The following HSD17B12 variants were observed in gnomAD, a reference collection of about 807,000 sequenced individuals.
HSD17B12 encodes hydroxysteroid 17-beta dehydrogenase 12, also known as very-long-chain 3-oxoacyl-CoA reductase.
A neutral mutation model predicts 39.3 loss-of-function variants in HSD17B12; 32 were observed. The observed-to-expected ratio is 0.81, with a 90% CI of 0.61 to 1.09. The LOEUF is 1.09. Among genes scored for constraint, HSD17B12 ranks in the 50% least tolerant of loss-of-function variants. The pLI is 0.00. For synonymous variants in HSD17B12, 150 were observed against 146.7 expected, an observed-to-expected ratio of 1.02 and a Z score of -0.16; for missense variants, 342 against 382.9, an observed-to-expected ratio of 0.89 and a Z score of 0.89.
chr11:43,808,607 C>T (rs1238809528), intron 4 of HSD17B12, among the ~76,000 whole-genome samples: 1 of 152,198 alleles, frequency 6.6e-6, no homozygotes, highest in Non-Finnish European at 1.5e-5. Flanking sequence ...CATCTTTCTT[C>T]ATTCCCTCTT....
chr11:43,696,574 T>A (rs1327093666), intron 1 of HSD17B12, among the ~76,000 whole-genome samples: 2 of 152,244 alleles, frequency 1.3e-5, no homozygotes, highest in African/African-American at 4.8e-5. Flanking sequence ...AGTGGGACTC[T>A]AAATTAGTTC....
intron 3 of HSD17B12, among the ~76,000 whole-genome samples, chr11:43,763,417 G>T (rs1489894721): frequency 6.6e-6 from 1 of 151,974 alleles, no homozygotes; most frequent in Admixed American, 6.6e-5. Flanking sequence ...ATTCTAAGGA[G>T]ATAAGGAACC....
At chr11:43,652,215 T>A in the HSD17B12 span, among the ~76,000 whole-genome samples, 1 of 152,232 alleles carries the variant, frequency 6.6e-6, no homozygotes, top group Non-Finnish European at 1.5e-5. Context: ...TTACATTTCC[T>A]GGTTTTAACA....
intron 2 of HSD17B12, among the ~76,000 whole-genome samples, chr11:43,752,309 GAC>G (rs933047396): frequency 7.2e-5 from 11 of 152,178 alleles, no homozygotes; most frequent in Non-Finnish European, 1.6e-4. Flanking sequence ...TATGTGGAAT[GAC>G]ACTTTGAGGC....
the HSD17B12 span, among the ~76,000 whole-genome samples, chr11:43,613,455 C>T: frequency 6.6e-6 from 1 of 151,100 alleles, no homozygotes; most frequent in African/African-American, 2.4e-5. Flanking sequence ...AACAAAAAAA[C>T]CATGAGTTAT....
At chr11:43,846,621 C>T (rs1423630579) in intron 9 of HSD17B12, among the ~76,000 whole-genome samples, 1 of 152,214 alleles carries the variant, frequency 6.6e-6, no homozygotes, top group African/African-American at 2.4e-5. Context: ...GCTGAGATCA[C>T]ACCCCTGCAT....
chr11:43,769,894 G>C (rs1374633742), intron 3 of HSD17B12, among the ~76,000 whole-genome samples: 1 of 152,052 alleles, frequency 6.6e-6, no homozygotes, highest in Non-Finnish European at 1.5e-5. Flanking sequence ...GTATTCTTTC[G>C]ATAGAAGGGC....
the HSD17B12 span, among the ~76,000 whole-genome samples, chr11:43,629,737 C>T: frequency 9.9e-5 from 15 of 152,090 alleles, no homozygotes; most frequent in African/African-American, 3.4e-4. Flanking sequence ...AAAAGCCCAC[C>T]GGGTTGGACT....
At chr11:43,581,373 A>C in the HSD17B12 span, 1 of 497,020 alleles carries the variant, frequency 2.0e-6, no homozygotes, top group Non-Finnish European at 4.2e-6. This position sits in a 1 kb window ranked among gnomAD's most constrained non-coding sequence, Gnocchi z 4.9. Flanking sequence ...GCGGCGGCGA[A>C]CCGAAGAAGC....
At chr11:43,819,514 C>T (rs558001517) in intron 6 of HSD17B12, among the ~76,000 whole-genome samples, 25 of 152,106 alleles carry the variant, frequency 1.6e-4, no homozygotes, top group African/African-American at 4.8e-4. Flanking sequence ...CAGCACAAAT[C>T]GAAGAGCACC....
At chr11:43,689,844 C>T (rs575040769) in intron 1 of HSD17B12, among the ~76,000 whole-genome samples, 129 of 152,218 alleles carry the variant, frequency 8.5e-4, no homozygotes, top group African/African-American at 2.8e-3. Flanking sequence ...CCACCGCACC[C>T]GGCCTGAACA....
intron 3 of HSD17B12, among the ~76,000 whole-genome samples, chr11:43,788,944 C>T: frequency 6.6e-6 from 1 of 152,126 alleles, no homozygotes; most frequent in East Asian, 1.9e-4. Context: ...ACACTGGGTC[C>T]CACAAATTAA....
At chr11:43,622,629 C>A in the HSD17B12 span, among the ~76,000 whole-genome samples, 2 of 151,900 alleles carry the variant, frequency 1.3e-5, no homozygotes, top group African/African-American at 4.8e-5. Context: ...TTGATAGAAT[C>A]TGCATTTTTT....
intron 1 of HSD17B12, among the ~76,000 whole-genome samples, chr11:43,745,335 A>G (rs555840304): frequency 6.6e-6 from 1 of 152,362 alleles, no homozygotes; most frequent in East Asian, 1.9e-4. Flanking sequence ...TTAGATGCAC[A>G]GTACTGAGTG....
intron 4 of HSD17B12, chr11:43,806,411 CA>C (rs1324665313): frequency 6.6e-6 from 1 of 152,002 alleles, no homozygotes; most frequent in Non-Finnish European, 1.5e-5. Context: ...GCACTATTCA[CA>C]GTAGCCAAAA....
At chr11:43,734,642 C>T in intron 1 of HSD17B12, 2 of 283,584 alleles carry the variant, frequency 7.1e-6, no homozygotes, top group East Asian at 8.0e-5. Flanking sequence ...CTTCCTTCTG[C>T]CCCCACCCCA....
chr11:43,565,532 T>G, the HSD17B12 span, among the ~76,000 whole-genome samples: 6 of 152,110 alleles, frequency 3.9e-5, no homozygotes, highest in East Asian at 1.2e-3. Flanking sequence ...GTAGATGGAG[T>G]TATGGCTTAT....
In HSD17B12 at chr11:43,681,003, C is replaced by G; in HGVS notation, c.160+16C>G. On this transcript the variant is annotated intron_variant, in intron 1 of 10. Transcript: ENST00000278353. ...GAATGGGCAGGTGAGTCGGATGCAG[C>G]GCCGCGTCCTCGCTCCCGCGGCGGC... 6.4e-7 allele frequency: 1 copy of G among 1,573,380 alleles called. No individual in the cohort carries two copies. Among genetic ancestry groups the G allele is most frequent in the Non-Finnish European group, 8.6e-7 (1 of 1,156,806 alleles).
intron 3 of HSD17B12, among the ~76,000 whole-genome samples, chr11:43,768,952 C>T (rs966454234): frequency 2.6e-5 from 4 of 152,196 alleles, no homozygotes; most frequent in African/African-American, 9.7e-5. Context: ...CTGACTGATA[C>T]ATTTACAATC....
Sources: allele counts gnomAD v4.1 joint callset (sites outside exome capture counted in the v4.1 genomes callset), GRCh38; gene constraint gnomAD v4.1.1; non-coding constraint Gnocchi (gnomAD v3.1); transcripts MANE v1.5; gene names NCBI Gene and HGNC (gene_info 2026-07-23, HGNC 2026-07-21).